Variants in ETS1 observed in about 807,000 individuals in gnomAD.
ETS1 encodes the protein ETS proto-oncogene 1, transcription factor, also known as protein C-ets-1.
A neutral mutation model predicts 58.6 loss-of-function variants in ETS1; 15 were observed. The observed-to-expected ratio is 0.26, with a 90% CI of 0.17 to 0.39. The LOEUF (loss-of-function observed/expected upper bound fraction) is 0.39, where lower values mean the gene tolerates loss of function less well. Among genes scored for constraint, ETS1 ranks in the 10% least tolerant of loss-of-function variants. ETS1 has a pLI of 1.00. For missense variants in ETS1, 417 were observed against 610.5 expected (o/e 0.68, Z 3.34); for synonymous variants, 214 against 218.2 (o/e 0.98, Z 0.17).
intron 2 of ETS1, among the ~76,000 whole-genome samples, chr11:128,570,168 C>T (rs1864595720): frequency 6.6e-6 from 1 of 151,198 alleles, no homozygotes; most frequent in South Asian, 2.1e-4. Context: ...TTATAATAGG[C>T]TTTTTATCTC....
Position 128,549,941 on chromosome 11 carries a change from G to T in ETS1, c.214+6350C>A, listed in dbSNP as rs1212122144. On this transcript the variant is annotated intron_variant, in intron 3 of 9. Coordinates refer to ENST00000392668, the MANE Select transcript of ETS1 (RefSeq NM_001143820.2). This position sits in a 1 kb window ranked among gnomAD's most constrained non-coding sequence, Gnocchi z 4.3. ...GGACTCAGATGTGAGTGGGCATCTG[G>T]TTTCTTCGATTCACCTAAATCCACA... is the stretch of plus-strand genomic sequence containing the variant. Among the ~76,000 whole-genome samples the T allele has an allele frequency of 6.6e-6, 1 of 152,164 alleles. No individual in the cohort carries two copies. Among genetic ancestry groups the T allele is most frequent in the Non-Finnish European group, 1.5e-5 (1 of 68,024 alleles).
Position 128,463,482 on chromosome 11 carries a change from A to G in ETS1, c.1242+27T>C, listed in dbSNP as rs994581463. On this transcript the variant is annotated intron_variant, in intron 9 of 9. Coordinates refer to ENST00000392668, the MANE Select transcript of ETS1 (RefSeq NM_001143820.2). This position sits in a 1 kb window ranked among gnomAD's most constrained non-coding sequence, Gnocchi z 4.1. ...GTTTTCTCTCATCCTTCCTCAACAC[A>G]GTACTCGCAAGCCCCTCCTTCCTTA... is the stretch of plus-strand genomic sequence containing the variant. The G allele has an allele frequency of 2.4e-6, 3 of 1,242,828 alleles. No individual in the cohort carries two copies. Among genetic ancestry groups the G allele is most frequent in the Admixed American group, 1.7e-5 (1 of 59,452 alleles). The allele number at this position is 1,242,828 out of a possible 1,614,324, so 77.0% of individuals were successfully genotyped here. A position where few individuals can be genotyped will look rare whatever the true frequency, so the allele number is the denominator to read the frequency against.
At chr11:128,585,302 G>A (rs187598419) in intron 1 of ETS1, among the ~76,000 whole-genome samples, 1 of 125,278 alleles carries the variant, frequency 8.0e-6, no homozygotes, top group African/African-American at 3.2e-5. Context: ...TAGAAAGGGA[G>A]GGAAGGGAGG....
chr11:128,463,980 G>A lies in ETS1; in HGVS notation c.1124-353C>T, dbSNP rs74911684. On this transcript the variant is annotated intron_variant, in intron 8 of 9. Transcript: ENST00000392668. The surrounding 1 kb of genome is among the most constrained non-coding windows in gnomAD (Gnocchi z 4.1). The stretch of plus-strand genomic sequence containing the variant: ...AATCTTTTACACCTGCAAAAACTAA[G>A]TCATTATTTTTGCCTTCAGAAGTAA... 0.061 allele frequency: 10,068 copies of A among 163,948 alleles called. 597 individuals carry two copies. The highest frequency in any genetic ancestry group is 0.16 in the African/African-American group (6,846 of 41,684). The allele number at this position is 163,948 out of a possible 1,614,324, so 10.2% of individuals were successfully genotyped here.
intron 8 of ETS1, among the ~76,000 whole-genome samples, chr11:128,471,115 C>T (rs1045161919): frequency 2.0e-5 from 3 of 152,192 alleles, no homozygotes; most frequent in Admixed American, 6.5e-5. Flanking sequence ...AGTTCAACAC[C>T]GTTCCCCACA....
chr11:128,567,281 G>C lies in ETS1; in HGVS notation c.69+5781C>G, dbSNP rs565231626. 9.8e-5 allele frequency among the ~76,000 whole-genome samples: 15 copies of C among 152,336 alleles called. No homozygotes were observed. The South Asian group carries it at 2.9e-3, about 29-fold the overall frequency. On this transcript the variant is annotated intron_variant, in intron 2 of 9. Transcript: ENST00000392668. ...TGCCCAGAGCTGGCAATGACTGACA[G>C]CCTCCCTGGGGTCCCTCCCAAGGTG...
rs148161470 is a variant in ETS1, at chr11:128,574,382, G to A, written c.-14-1238C>T. Among the ~76,000 whole-genome samples the A allele has an allele frequency of 4.3e-3, 656 of 152,242 alleles. 6 individuals carry two copies. Among genetic ancestry groups the A allele is most frequent in the African/African-American group, 0.014 (593 of 41,544 alleles). On this transcript the variant is annotated intron_variant, in intron 1 of 9. Coordinates refer to ENST00000392668, the MANE Select transcript of ETS1 (RefSeq NM_001143820.2). ...ATTAGTTTTAAAAAATTAACTAAGGGTCTGAATAGCTAGACTATGTTAATC... is the reference window on the plus strand; with the variant it reads ...ATTAGTTTTAAAAAATTAACTAAGGATCTGAATAGCTAGACTATGTTAATC...
In ETS1 at chr11:128,466,579, C is replaced by T. The variant is rs146843620; in HGVS notation, c.1124-2952G>A. Among the ~76,000 whole-genome samples, 886 of 152,300 alleles carry T rather than the reference C, an allele frequency of 5.8e-3. 11 individuals are homozygous for T. Among genetic ancestry groups the T allele is most frequent in the Non-Finnish European group, 7.7e-3 (525 of 68,032 alleles). ...AACTGAAATGTCAAGCAGTCATAGG[C>T]TGTAGATGCCCTGCCCTGCCCTTTC... is the stretch of plus-strand genomic sequence containing the variant. On this transcript the variant is annotated intron_variant, in intron 8 of 9. Coordinates refer to ENST00000392668, the MANE Select transcript of ETS1 (RefSeq NM_001143820.2).
intron 8 of ETS1, among the ~76,000 whole-genome samples, chr11:128,473,107 G>C (rs1862230888): frequency 6.6e-6 from 1 of 152,158 alleles, no homozygotes; most frequent in Admixed American, 6.5e-5. Context: ...ATTTGGTGAA[G>C]GATTTAAAAA....
chr11:128,474,386 T>C (rs988874667), intron 8 of ETS1, among the ~76,000 whole-genome samples: 2 of 151,830 alleles, frequency 1.3e-5, no homozygotes, highest in Non-Finnish European at 2.9e-5. Flanking sequence ...TTAAAAGACA[T>C]TTAGAAAAAA....
intron 3 of ETS1, among the ~76,000 whole-genome samples, chr11:128,524,321 C>G (rs934078056): frequency 1.3e-5 from 2 of 152,122 alleles, no homozygotes; most frequent in African/African-American, 4.8e-5. Flanking sequence ...AGTCCTGAAG[C>G]ACAGAAACAA....
At position 128,532,014 on chromosome 11, in the gene ETS1, G is replaced by GT. The variant is rs1445316207; in HGVS notation, c.214+24276dup. ...TTCCTGCCAGCCAACAGTTCTTGTT[G>GT]TTTTTGTTATTTTGTTTTTTGAGAC... is the stretch of plus-strand genomic sequence containing the variant. On this transcript the variant is annotated intron_variant, in intron 3 of 9. Transcript: ENST00000392668. Among the ~76,000 whole-genome samples, 10 of 152,126 alleles carry GT rather than the reference G, an allele frequency of 6.6e-5. No individual in the cohort carries two copies. The East Asian group carries it at 1.7e-3, about 26-fold the overall frequency.
At position 128,463,819 on chromosome 11, in the gene ETS1, T is replaced by C; in HGVS notation, c.1124-192A>G. The C allele has an allele frequency of 2.3e-6, 1 of 432,090 alleles. No homozygotes were observed. The highest frequency in any genetic ancestry group is 3.4e-5 in the South Asian group (1 of 29,488). 26.8% of individuals were successfully genotyped at this position (432,090 alleles called of 1,614,324 possible). A position where few individuals can be genotyped will look rare whatever the true frequency, so the allele number is the denominator to read the frequency against. Reference sequence around the variant, plus strand: ...CAGATAGAAAAGACAAAGGCCTCCCTATAAAACAAAAGCATGGAAGAAAAT... The same window carrying C: ...CAGATAGAAAAGACAAAGGCCTCCCCATAAAACAAAAGCATGGAAGAAAAT... On this transcript the variant is annotated intron_variant, in intron 8 of 9. Transcript: ENST00000392668. This position sits in a 1 kb window ranked among gnomAD's most constrained non-coding sequence, Gnocchi z 4.1.
At chr11:128,482,902 C>G (rs559299399) in intron 7 of ETS1, among the ~76,000 whole-genome samples, 5 of 152,142 alleles carry the variant, frequency 3.3e-5, no homozygotes, top group African/African-American at 1.2e-4. Flanking sequence ...TGAGTAGACT[C>G]GTACAAAGAC....
At chr11:128,512,629 G>A (rs1375687411) in intron 3 of ETS1, among the ~76,000 whole-genome samples, 6 of 152,350 alleles carry the variant, frequency 3.9e-5, no homozygotes, top group Admixed American at 6.5e-5. Flanking sequence ...GCTAAGCAGC[G>A]TGTGTCCAGT....
chr11:128,499,241 A>G (rs1393032592), intron 3 of ETS1, among the ~76,000 whole-genome samples: 3 of 152,244 alleles, frequency 2.0e-5, no homozygotes, highest in Non-Finnish European at 4.4e-5. Context: ...TCTGGTTTAC[A>G]TAATAGCCTT....
intron 3 of ETS1, among the ~76,000 whole-genome samples, chr11:128,516,635 C>T (rs1288091268): frequency 6.6e-6 from 1 of 152,146 alleles, no homozygotes; most frequent in African/African-American, 2.4e-5. Context: ...GGACAGCTGG[C>T]AGGTCTGCAG....
chr11:128,540,674 G>A (rs532250718), intron 3 of ETS1, among the ~76,000 whole-genome samples: 1 of 152,196 alleles, frequency 6.6e-6, no homozygotes, highest in Non-Finnish European at 1.5e-5. Context: ...AAGTGGCTTA[G>A]AGAGAGGCTG....
intron 3 of ETS1, among the ~76,000 whole-genome samples, chr11:128,538,312 G>A (rs942570106): frequency 6.6e-6 from 1 of 152,120 alleles, no homozygotes; most frequent in Admixed American, 6.6e-5. Context: ...AGGAGGTAAG[G>A]GGGGGCGTTA....
Sources: allele counts gnomAD v4.1 joint callset (sites outside exome capture counted in the v4.1 genomes callset), GRCh38; gene constraint gnomAD v4.1.1; non-coding constraint Gnocchi (gnomAD v3.1); transcripts MANE v1.5; gene names NCBI Gene and HGNC (gene_info 2026-07-23, HGNC 2026-07-21).